The following EPC2 variants were observed in gnomAD, a reference collection of about 807,000 sequenced individuals.
EPC2 encodes the protein enhancer of polycomb 2.
A neutral mutation model predicts 92.1 loss-of-function variants in EPC2; 14 were observed. The ratio of observed to expected loss-of-function variants is 0.15; its 90% CI spans 0.10 to 0.24. The LOEUF (loss-of-function observed/expected upper bound fraction) is 0.24. Ranked by LOEUF, EPC2 falls within the 10% of genes least tolerant of loss-of-function variation. The pLI, the probability that EPC2 is intolerant of heterozygous loss-of-function variation, is 1.00. For missense variants in EPC2, 755 were observed against 971.5 expected (o/e 0.78, Z 2.96); for synonymous variants, 340 against 334.7 (o/e 1.02, Z -0.17).
chr2:148,724,074 G>A (rs74378279), intron 2 of EPC2, among the ~76,000 whole-genome samples: 1 of 152,060 alleles, frequency 6.6e-6, no homozygotes, highest in Non-Finnish European at 1.5e-5. Context: ...GTTTTTGACT[G>A]TAAAATGTAG....
At chr2:148,653,994 C>G (rs1680738769) in intron 1 of EPC2, among the ~76,000 whole-genome samples, 1 of 147,036 alleles carries the variant, frequency 6.8e-6, no homozygotes, top group Non-Finnish European at 1.5e-5. Context: ...GTCACCCAGG[C>G]TGGAGTGCAA....
At chr2:148,764,823 T>C (rs773534692) in intron 6 of EPC2, 132 bp from the exon 7 acceptor site, 39 of 568,420 alleles carry the variant, frequency 6.9e-5, no homozygotes, top group Non-Finnish European at 7.7e-5. Flanking sequence ...CAGAATAATT[T>C]TTGCGTATTA....
chr2:148,679,227 C>G (rs774930225), intron 1 of EPC2, among the ~76,000 whole-genome samples: 4 of 152,140 alleles, frequency 2.6e-5, no homozygotes, highest in Non-Finnish European at 5.9e-5. Flanking sequence ...ATCAGCATTA[C>G]TAGGACAGGT....
chr2:148,670,001 T>G (rs1021897976), intron 1 of EPC2, among the ~76,000 whole-genome samples: 1 of 152,162 alleles, frequency 6.6e-6, no homozygotes, highest in Non-Finnish European at 1.5e-5. Flanking sequence ...CAGGGAAGCC[T>G]CTTTAGAGCT....
intron 2 of EPC2, among the ~76,000 whole-genome samples, chr2:148,705,490 G>A (rs1380038506): frequency 2.0e-5 from 3 of 152,124 alleles, no homozygotes; most frequent in East Asian, 1.9e-4. Context: ...CTCCCAGCAC[G>A]GTGTTTGAGC....
At chr2:148,691,352 A>G (rs1485691766) in intron 2 of EPC2, among the ~76,000 whole-genome samples, 1 of 152,218 alleles carries the variant, frequency 6.6e-6, no homozygotes, top group Non-Finnish European at 1.5e-5. Context: ...CCAAGGCTCA[A>G]CATCCGGCCT....
chr2:148,743,576 T>A, intron 2 of EPC2, 46 bp from the exon 3 acceptor site: 2 of 1,436,364 alleles, frequency 1.4e-6, no homozygotes, highest in South Asian at 1.5e-5. Context: ...CAATGTATAA[T>A]TTCATAATTT....
chr2:148,704,372 G>C (rs773545748), intron 2 of EPC2, among the ~76,000 whole-genome samples: 42 of 152,054 alleles, frequency 2.8e-4, no homozygotes, highest in African/African-American at 9.7e-4. Flanking sequence ...GGAGAAATGG[G>C]GAGTTATTGT....
intron 2 of EPC2, among the ~76,000 whole-genome samples, chr2:148,729,842 A>T (rs1241533977): frequency 6.6e-6 from 1 of 152,242 alleles, no homozygotes; most frequent in African/African-American, 2.4e-5. Context: ...TGCAGTATCC[A>T]GTTGCCATTC....
Position 148,763,923 on chromosome 2 carries a change from C to G in EPC2, c.949-1032C>G, listed in dbSNP as rs536110468. ...TATATTGATTCTTATTTTAGACCTC[C>G]TCTATGAATAAATACTCAGCCTTCC... On this transcript the variant is annotated intron_variant, in intron 6 of 13. Coordinates refer to ENST00000258484, the MANE Select transcript of EPC2 (RefSeq NM_015630.4). Among the ~76,000 whole-genome samples, 12 of 152,252 alleles carry G rather than the reference C, an allele frequency of 7.9e-5. No homozygotes were observed. The South Asian group carries it at 2.3e-3, about 29-fold the overall frequency.
chr2:148,774,624 T>TATTTTATATATATATATATATA (rs935978031), intron 10 of EPC2, among the ~76,000 whole-genome samples: 6 of 132,612 alleles, frequency 4.5e-5, no homozygotes, highest in East Asian at 5.2e-4. Flanking sequence ...AAAATATATT[T>TATTTTATATATATATATATATA]TATATATATA....
intron 2 of EPC2, among the ~76,000 whole-genome samples, chr2:148,702,844 T>G (rs1367622512): frequency 6.6e-6 from 1 of 152,184 alleles, no homozygotes; most frequent in Non-Finnish European, 1.5e-5. Context: ...TTGCCATTTT[T>G]TCTTTAAGCT....
At chr2:148,782,730 C>T (rs1312125557) in intron 11 of EPC2, among the ~76,000 whole-genome samples, 1 of 140,564 alleles carries the variant, frequency 7.1e-6, no homozygotes, top group Non-Finnish European at 1.5e-5. Context: ...TCATTGTGGA[C>T]TTCTGGCCTG....
intron 1 of EPC2, among the ~76,000 whole-genome samples, chr2:148,661,214 T>C (rs1169518672): frequency 6.6e-6 from 1 of 152,136 alleles, no homozygotes; most frequent in Non-Finnish European, 1.5e-5. Flanking sequence ...GTCTCTTCAT[T>C]TGTCAAAGTC....
intron 2 of EPC2, among the ~76,000 whole-genome samples, chr2:148,712,237 G>T (rs190707246): frequency 4.2e-4 from 64 of 151,696 alleles, no homozygotes; most frequent in Admixed American, 5.9e-4. Flanking sequence ...CTGTTTGTGT[G>T]TGTGGGGGTG....
At chr2:148,684,025 T>C (rs752016900) in intron 1 of EPC2, among the ~76,000 whole-genome samples, 2 of 152,204 alleles carry the variant, frequency 1.3e-5, no homozygotes, top group Non-Finnish European at 1.5e-5. Context: ...CCAACATCAT[T>C]ACTTTTTAAT....
chr2:148,645,834 TG>T (rs1422319018), intron 1 of EPC2, among the ~76,000 whole-genome samples: 5 of 152,190 alleles, frequency 3.3e-5, no homozygotes, highest in African/African-American at 1.2e-4. Context: ...CTGCTCCGCC[TG>T]GACGGCCGTG....
intron 10 of EPC2, among the ~76,000 whole-genome samples, chr2:148,774,825 C>T (rs1683594525): frequency 1.3e-5 from 2 of 151,536 alleles, no homozygotes; most frequent in Admixed American, 6.6e-5. Flanking sequence ...CGGTGGCTCA[C>T]GCCTGTAATC....
chr2:148,761,851 A>T lies in EPC2; in HGVS notation c.736A>T (p.Thr246Ser), dbSNP rs779357139. Residue 246 changes from threonine to serine, a missense_variant, in exon 5 of 14, where the codon ACA (threonine) becomes TCA (serine). Physicochemically the swap from Thr to Ser is moderately conservative, Grantham distance 58 (BLOSUM62 1). Transcript: ENST00000258484. ...GAGACGAGAATTTAGTAGAGCCATA[A>T]CAATTTTGGAAATGATTAAGAGAAG... ...KLRREFSRAI[T>S]ILEMIKRREK... 1.3e-6 allele frequency: 2 copies of T among 1,595,770 alleles called. No individual in the cohort carries two copies. The highest frequency in any genetic ancestry group is 1.7e-6 in the Non-Finnish European group (2 of 1,172,986).
Sources: allele counts gnomAD v4.1 joint callset (sites outside exome capture counted in the v4.1 genomes callset), GRCh38; gene constraint gnomAD v4.1.1; transcripts MANE v1.5; gene names NCBI Gene and HGNC (gene_info 2026-07-23, HGNC 2026-07-21).